CEP112: variants seen among roughly 807,000 people sequenced by gnomAD.
CEP112 encodes centrosomal protein 112, also known as centrosomal protein of 112 kDa.
Under a neutral mutation model 153.0 loss-of-function variants are expected in CEP112, and 127 were observed. The observed-to-expected ratio is 0.83, with a 90% CI of 0.72 to 0.96. The LOEUF (loss-of-function observed/expected upper bound fraction) is 0.96. CEP112 is among the 40% of genes least tolerant of loss of function. The probability of loss-of-function intolerance (pLI) is 0.00; values close to 1 mark genes in which losing one functional copy is unlikely to be tolerated. For missense variants in CEP112, 1,089 were observed against 1,101.2 expected (o/e 0.99, Z 0.16); for synonymous variants, 358 against 374.4 (o/e 0.96, Z 0.51).
intron 16 of CEP112, among the ~76,000 whole-genome samples, chr17:66,010,894 A>C (rs2064495218): frequency 6.6e-6 from 1 of 152,112 alleles, no homozygotes; most frequent in African/African-American, 2.4e-5. Flanking sequence ...ATCAATGTTT[A>C]TCAAGGATAT....
At chr17:66,170,563 G>A (rs1055108687) in intron 4 of CEP112, among the ~76,000 whole-genome samples, 3 of 152,006 alleles carry the variant, frequency 2.0e-5, no homozygotes, top group African/African-American at 4.8e-5. Flanking sequence ...TCAGGAATTC[G>A]AGACCAGCCT....
chr17:65,798,899 G>A (rs1294316174), intron 21 of CEP112, among the ~76,000 whole-genome samples: 1 of 152,114 alleles, frequency 6.6e-6, no homozygotes, highest in African/African-American at 2.4e-5. Flanking sequence ...GTGCTTTAGT[G>A]AATCTTAATT....
At chr17:65,728,750 T>G (rs1425428754) in intron 23 of CEP112, among the ~76,000 whole-genome samples, 1 of 152,122 alleles carries the variant, frequency 6.6e-6, no homozygotes, top group Non-Finnish European at 1.5e-5. Context: ...TACAAAATGG[T>G]GCACCTACAT....
intron 17 of CEP112, among the ~76,000 whole-genome samples, chr17:65,971,573 A>G (rs1482051833): frequency 3.9e-5 from 6 of 152,136 alleles, no homozygotes; most frequent in Non-Finnish European, 7.4e-5. Flanking sequence ...TTGTATGTAT[A>G]TGGCATGTAT....
intron 6 of CEP112, among the ~76,000 whole-genome samples, chr17:66,119,347 T>A (rs1390917292): frequency 6.6e-6 from 1 of 152,142 alleles, no homozygotes; most frequent in Non-Finnish European, 1.5e-5. Flanking sequence ...TAAAAAATAA[T>A]AAAATAAAAA....
intron 21 of CEP112, among the ~76,000 whole-genome samples, chr17:65,787,737 T>C (rs918110377): frequency 2.0e-5 from 3 of 152,242 alleles, no homozygotes; most frequent in East Asian, 1.9e-4. Flanking sequence ...TTTTAAATTA[T>C]GTTTTCTGTT....
chr17:65,635,958 T>A lies in CEP112; in HGVS notation c.*13A>T. On this transcript the variant is annotated 3_prime_UTR_variant, in exon 27 of 27. Coordinates refer to ENST00000535342, the MANE Select transcript of CEP112 (RefSeq NM_001199165.4). ...CAGCCTGGAAATTGCATCCGTTGCA[T>A]TCTCTCGTGCAGTTACCTGTAAACC... 6.2e-7 allele frequency: 1 copy of A among 1,600,164 alleles called. No individual in the cohort carries two copies.
chr17:65,850,870 C>A (rs2057906238), intron 21 of CEP112, among the ~76,000 whole-genome samples: 1 of 152,154 alleles, frequency 6.6e-6, no homozygotes, highest in South Asian at 2.1e-4. Context: ...TATTTACAGT[C>A]CTTTTTCCTA....
chr17:65,958,682 A>T (rs545266393), intron 18 of CEP112, among the ~76,000 whole-genome samples: 3 of 152,312 alleles, frequency 2.0e-5, no homozygotes, highest in African/African-American at 7.2e-5. Context: ...GCCTGCAGGC[A>T]ACCCTTGACA....
chr17:65,739,280 G>A (rs2050983170), intron 23 of CEP112, among the ~76,000 whole-genome samples: 1 of 152,224 alleles, frequency 6.6e-6, no homozygotes, highest in Admixed American at 6.5e-5. Context: ...ATTATGGGCA[G>A]ATAGATGTTG....
chr17:66,190,666 T>G (rs767330547), intron 1 of CEP112, among the ~76,000 whole-genome samples: 1 of 152,378 alleles, frequency 6.6e-6, no homozygotes, highest in African/African-American at 2.4e-5. Flanking sequence ...TGACTCTTGC[T>G]TATAGCTACA....
intron 12 of CEP112, among the ~76,000 whole-genome samples, chr17:66,040,780 A>G (rs1165443243): frequency 6.6e-6 from 1 of 152,194 alleles, no homozygotes; most frequent in Admixed American, 6.5e-5. Context: ...ATAGGCCACC[A>G]TGCCAGCCTC....
intron 17 of CEP112, among the ~76,000 whole-genome samples, chr17:65,982,780 T>C (rs1042521682): frequency 6.6e-6 from 1 of 152,206 alleles, no homozygotes; most frequent in Non-Finnish European, 1.5e-5. Context: ...AGCAGCACTA[T>C]TCACAATAGC....
chr17:65,827,306 C>T (rs1241174853), intron 21 of CEP112, among the ~76,000 whole-genome samples: 3 of 152,298 alleles, frequency 2.0e-5, no homozygotes, highest in Non-Finnish European at 4.4e-5. Flanking sequence ...TTCATATATA[C>T]ATCTATCCTA....
In CEP112 at chr17:66,008,865, G is replaced by GTATA. The variant is rs148382482; in HGVS notation, c.1657-3100_1657-3097dup. On this transcript the variant is annotated intron_variant, in intron 16 of 26. Coordinates refer to ENST00000535342, the MANE Select transcript of CEP112 (RefSeq NM_001199165.4). Reference sequence around the variant, plus strand: ...TTTTAAGGCTGCATAGTATTCCACTGTATATATACATACCACAGTTTCTTC... The same window carrying GTATA: ...TTTTAAGGCTGCATAGTATTCCACTGTATATATATATACATACCACAGTTTCTTC... 9.7e-3 allele frequency among the ~76,000 whole-genome samples: 1,476 copies of GTATA among 151,616 alleles called. 9 individuals are homozygous for GTATA. The highest frequency in any genetic ancestry group is 0.027 in the Middle Eastern group (8 of 294).
At chr17:66,129,947 T>G (rs1191944080) in intron 5 of CEP112, 124 bp from the exon 6 acceptor site, 44 of 400,798 alleles carry the variant, frequency 1.1e-4, no homozygotes, top group South Asian at 3.5e-4. Context: ...AGGAAGGAAG[T>G]AAAAAAGGAA....
chr17:66,001,001 T>C (rs549725712), intron 17 of CEP112, among the ~76,000 whole-genome samples: 1 of 152,192 alleles, frequency 6.6e-6, no homozygotes. Context: ...CATGGAACTG[T>C]TGTCCTTCCC....
chr17:65,941,042 AAAAATT>A (rs1264934257), intron 18 of CEP112, among the ~76,000 whole-genome samples: 2 of 152,126 alleles, frequency 1.3e-5, no homozygotes, highest in Admixed American at 6.5e-5. Context: ...TAAAAATATA[AAAAATT>A]AAAATTAAAA....
At chr17:66,077,086 T>C (rs1367659616) in intron 8 of CEP112, among the ~76,000 whole-genome samples, 2 of 152,102 alleles carry the variant, frequency 1.3e-5, no homozygotes, top group African/African-American at 4.8e-5. Flanking sequence ...TCTCAGAGCC[T>C]ACCCAAATGA....
Sources: gnomAD v4.1 joint callset for allele counts (sites outside exome capture counted in the v4.1 genomes callset) on GRCh38, gnomAD v4.1.1 for gene constraint, MANE v1.5 for transcripts, NCBI Gene and HGNC (gene_info 2026-07-23, HGNC 2026-07-21) for gene names.